The following ORC4 variants were observed in gnomAD, a reference collection of about 807,000 sequenced individuals.
ORC4 encodes the protein origin recognition complex subunit 4, also known as origin recognition complex, subunit 4 homolog.
ORC4 carries 55 observed loss-of-function variants against 63.9 expected under a neutral mutation model. That is an observed-to-expected ratio of 0.86 (90% CI 0.69 to 1.08). The LOEUF (loss-of-function observed/expected upper bound fraction) is 1.08. Among genes scored for constraint, ORC4 ranks in the 50% least tolerant of loss-of-function variants. The pLI, the probability that ORC4 is intolerant of heterozygous loss-of-function variation, is 0.00. For missense variants in ORC4, 511 were observed against 504.4 expected, an observed-to-expected ratio of 1.01 and a Z score of -0.13; for synonymous variants, 150 against 168.5, an observed-to-expected ratio of 0.89 and a Z score of 0.85.
rs779531006 is a variant in ORC4, at chr2:147,975,949, G to A, written c.10C>T (p.Arg4Cys). ...ATTAAGCTGTTACTCTTTGATTTAC[G>A]ACTGCTCATTTCAACAAATTCAAAT... MSSRKSKSNSLIHT... is the reference protein window; with the variant it reads MSSCKSKSNSLIHT... The change falls in exon 2 of 14, where the codon CGT (arginine) becomes TGT (cysteine). Residue 4 changes from arginine to cysteine, a missense_variant. Arg to Cys is a radical substitution (Grantham distance 180). Coordinates refer to ENST00000392857, the MANE Select transcript of ORC4 (RefSeq NM_181741.4). 1.6e-5 allele frequency: 25 copies of A among 1,582,790 alleles called. No individual in the cohort carries two copies. Among genetic ancestry groups the A allele is most frequent in the Middle Eastern group, 1.7e-4 (1 of 6,030 alleles).
chr2:147,989,643 G>T (rs527458548), intron 1 of ORC4, among the ~76,000 whole-genome samples: 1 of 152,180 alleles, frequency 6.6e-6, no homozygotes, highest in African/African-American at 2.4e-5. Flanking sequence ...GGAGGCGGAG[G>T]TTGCAGTGAG....
At chr2:147,990,428 T>C (rs948425120) in intron 1 of ORC4, among the ~76,000 whole-genome samples, 2 of 152,168 alleles carry the variant, frequency 1.3e-5, no homozygotes, top group African/African-American at 4.8e-5. Context: ...GAGGTAAAGA[T>C]TAAAATAGAG....
chr2:147,942,442 C>T (rs1411876756), intron 10 of ORC4, among the ~76,000 whole-genome samples: 1 of 151,982 alleles, frequency 6.6e-6, no homozygotes, highest in African/African-American at 2.4e-5. Flanking sequence ...GTATATAAGG[C>T]TGGTTCAACA....
At chr2:147,970,349 T>C (rs1197521413) in intron 4 of ORC4, among the ~76,000 whole-genome samples, 1 of 152,104 alleles carries the variant, frequency 6.6e-6, no homozygotes, top group East Asian at 1.9e-4. Flanking sequence ...ATTCTAAAGT[T>C]AATATGAAAA....
At chr2:147,937,788 T>G (rs1333448664) in intron 13 of ORC4, among the ~76,000 whole-genome samples, 1 of 152,140 alleles carries the variant, frequency 6.6e-6, no homozygotes, top group Non-Finnish European at 1.5e-5. Flanking sequence ...GATTTTGTCT[T>G]TTAAGTTTCT....
rs760024761 is a variant in ORC4, at chr2:147,973,469, A to G, written c.113T>C (p.Phe38Ser). 1 of 1,605,350 alleles carries G rather than the reference A, an allele frequency of 6.2e-7. No homozygotes were observed. The highest frequency in any genetic ancestry group is 2.2e-5 in the East Asian group (1 of 44,742). Residue 38 changes from phenylalanine to serine, a missense_variant, in exon 3 of 14, where the codon TTT (phenylalanine) becomes TCT (serine). Phe to Ser is a radical substitution (Grantham distance 155). Transcript: ENST00000392857. ...TTACTTGTATTGTACTTGCACTCCA[A>G]ATAGGTTACTATGTGGACTCTGACG... ...FCRQSPHSNLFGVQVQYKHLS... is the reference protein window; with the variant it reads ...FCRQSPHSNLSGVQVQYKHLS...
chr2:147,948,071 T>G lies in ORC4; in HGVS notation c.742A>C (p.Lys248Gln), dbSNP rs1688751560. 2 of 1,611,754 alleles carry G rather than the reference T, an allele frequency of 1.2e-6. No homozygotes were observed. The highest frequency in any genetic ancestry group is 2.2e-5 in the South Asian group (2 of 91,036). ...GATACCTGAACATTTTCATTCCACTTCTCAGCAAAAACCTTGTCTGGAAAC... is the reference window on the plus strand; with the variant it reads ...GATACCTGAACATTTTCATTCCACTGCTCAGCAAAAACCTTGTCTGGAAAC... ...AEFPDKVFAE[K>Q]WNENVQYLSE... The change falls in exon 9 of 14, where the codon AAG becomes CAG. Residue 248 changes from lysine (K) to glutamine (Q), a missense_variant. By Grantham distance (53) the Lys-to-Gln change is moderately conservative. Transcript: ENST00000392857.
chr2:147,948,044 A>T lies in ORC4; in HGVS notation c.762+7T>A. The T allele has an allele frequency of 6.2e-7, 1 of 1,606,116 alleles. No individual in the cohort carries two copies. The highest frequency in any genetic ancestry group is 8.5e-7 in the Non-Finnish European group (1 of 1,173,164). On this transcript the variant is annotated splice_region_variant and intron_variant, in intron 9 of 13. Transcript: ENST00000392857. Reference sequence around the variant, plus strand: ...GGAACATTTAGCTTTATTGCCTTTTAAGATACCTGAACATTTTCATTCCAC... The same window carrying T: ...GGAACATTTAGCTTTATTGCCTTTTTAGATACCTGAACATTTTCATTCCAC...
At chr2:147,945,665 A>C (rs1223868835) in intron 9 of ORC4, among the ~76,000 whole-genome samples, 1 of 152,116 alleles carries the variant, frequency 6.6e-6, no homozygotes, top group Non-Finnish European at 1.5e-5. Flanking sequence ...ACAAACCTTC[A>C]AATTAGGCAG....
At chr2:147,974,675 A>AAAGGTTT (rs1690430971) in intron 2 of ORC4, among the ~76,000 whole-genome samples, 1 of 151,992 alleles carries the variant, frequency 6.6e-6, no homozygotes, top group Admixed American at 6.6e-5. Context: ...TATTTGTAAC[A>AAAGGTTT]CAAATAGGCT....
intron 7 of ORC4, among the ~76,000 whole-genome samples, chr2:147,953,023 T>A (rs1325299417): frequency 1.5e-5 from 2 of 137,800 alleles, no homozygotes; most frequent in African/African-American, 2.7e-5. Flanking sequence ...TGAAACTCCA[T>A]CTCAAAAAAA....
At chr2:147,986,348 T>C (rs979736996) in intron 1 of ORC4, among the ~76,000 whole-genome samples, 2 of 152,138 alleles carry the variant, frequency 1.3e-5, no homozygotes, top group East Asian at 1.9e-4. Flanking sequence ...TTCTCCATAG[T>C]TCCTAACTTT....
intron 1 of ORC4, among the ~76,000 whole-genome samples, chr2:148,014,170 C>T (rs1240542515): frequency 6.6e-6 from 1 of 151,970 alleles, no homozygotes; most frequent in Non-Finnish European, 1.5e-5. Flanking sequence ...ACAGCGAGAC[C>T]TCATTTAAAA....
At chr2:147,952,578 A>G in intron 7 of ORC4, 54 bp from the exon 8 acceptor site, 1 of 1,369,340 alleles carries the variant, frequency 7.3e-7, no homozygotes, top group African/African-American at 1.4e-5. Flanking sequence ...ACCTTTCCTA[A>G]ATTTCCAAAC....
At chr2:147,938,653 C>T in intron 11 of ORC4, 1 of 440,302 alleles carries the variant, frequency 2.3e-6, no homozygotes, top group East Asian at 4.6e-5. Flanking sequence ...GAAATATTAT[C>T]AGGCACTCAC....
intron 4 of ORC4, among the ~76,000 whole-genome samples, chr2:147,960,620 A>G (rs1689536693): frequency 6.7e-6 from 1 of 148,700 alleles, no homozygotes; most frequent in Non-Finnish European, 1.5e-5. Context: ...TCACCAACTT[A>G]TACTATTCCC....
chr2:147,965,370 T>C (rs1689840697), intron 4 of ORC4, among the ~76,000 whole-genome samples: 2 of 151,716 alleles, frequency 1.3e-5, no homozygotes, highest in Non-Finnish European at 2.9e-5. Context: ...CTCAATTATA[T>C]GCTGCTACAA....
rs1246063032 is a variant in ORC4, at chr2:147,938,203, C to A, written c.1065G>T (p.Lys355Asn). The A allele has an allele frequency of 6.2e-7, 1 of 1,612,578 alleles. No individual in the cohort carries two copies. The highest frequency in any genetic ancestry group is 8.5e-7 in the Non-Finnish European group (1 of 1,178,898). ...NFQMVYNEFQ[K>N]FVQRKAHSVY... ...CGGAATGTGCTTTCCTTTGAACAAACTTCTGAAACTCTGAGTAGAAAGCAA... is the reference window on the plus strand; with the variant it reads ...CGGAATGTGCTTTCCTTTGAACAAAATTCTGAAACTCTGAGTAGAAAGCAA... The change falls in exon 13 of 14, where the codon AAG becomes AAT. Residue 355 changes from lysine to asparagine, a missense_variant. Physicochemically the swap from Lys to Asn is moderately conservative, Grantham distance 94 (BLOSUM62 0). Transcript: ENST00000392857.
intron 1 of ORC4, among the ~76,000 whole-genome samples, chr2:148,001,293 A>G (rs1203736015): frequency 1.3e-5 from 2 of 152,132 alleles, no homozygotes; most frequent in Non-Finnish European, 2.9e-5. Context: ...AGAAAAAGAG[A>G]AAGAGAAGAA....
Sources: allele counts gnomAD v4.1 joint callset (sites outside exome capture counted in the v4.1 genomes callset), GRCh38; gene constraint gnomAD v4.1.1; transcripts MANE v1.5; gene names NCBI Gene and HGNC (gene_info 2026-07-23, HGNC 2026-07-21).